The following NUBPL variants were observed in gnomAD, a reference collection of about 807,000 sequenced individuals.
NUBPL encodes iron-sulfur cluster transfer protein NUBPL.
In NUBPL, 31 loss-of-function variants were observed where a neutral mutation model predicts 45.7. That is an observed-to-expected ratio of 0.68 (90% CI 0.51 to 0.92). The LOEUF (loss-of-function observed/expected upper bound fraction) is 0.92, where lower values mean the gene tolerates loss of function less well. Among genes scored for constraint, NUBPL ranks in the 40% least tolerant of loss-of-function variants. NUBPL has a pLI of 0.00. For missense variants in NUBPL, 401 were observed against 398.7 expected (o/e 1.01, Z -0.05); for synonymous variants, 144 against 140.9 (o/e 1.02, Z -0.15).
chr14:31,798,305 T>TG (rs1340987261), intron 7 of NUBPL, among the ~76,000 whole-genome samples: 5 of 114,092 alleles, frequency 4.4e-5, no homozygotes, highest in Non-Finnish European at 7.7e-5. Flanking sequence ...TATTTATGGT[T>TG]TTTTTTTTTT....
intron 6 of NUBPL, among the ~76,000 whole-genome samples, chr14:31,695,765 C>G (rs190063051): frequency 2.0e-5 from 3 of 152,258 alleles, no homozygotes; most frequent in Admixed American, 2.0e-4. Flanking sequence ...GTAAATAAAA[C>G]TCTATTCTTT....
chr14:31,850,059 G>A, intron 9 of NUBPL, 60 bp from the exon 10 acceptor site: 2 of 1,219,296 alleles, frequency 1.6e-6, no homozygotes, highest in African/African-American at 1.5e-5. Context: ...CAAATAGTGA[G>A]ATTCAAAATG....
intron 4 of NUBPL, 96 bp from the exon 5 acceptor site, chr14:31,673,258 TA>T: frequency 2.9e-6 from 3 of 1,046,150 alleles, no homozygotes; most frequent in Non-Finnish European, 4.2e-6. Flanking sequence ...TTTTGTTAAT[TA>T]AAAAAATTTT....
At chr14:31,758,232 A>G (rs1027481442) in intron 6 of NUBPL, among the ~76,000 whole-genome samples, 9 of 152,332 alleles carry the variant, frequency 5.9e-5, no homozygotes, top group Middle Eastern at 3.4e-3. Context: ...CTTGGCAAAT[A>G]TGGTACTCAA....
chr14:31,642,798 T>C (rs2035742245), intron 4 of NUBPL, among the ~76,000 whole-genome samples: 1 of 152,162 alleles, frequency 6.6e-6, no homozygotes, highest in African/African-American at 2.4e-5. Flanking sequence ...ATGGAATATC[T>C]TCCCTTTGTA....
At chr14:31,689,111 T>C (rs1010839736) in intron 6 of NUBPL, among the ~76,000 whole-genome samples, 1 of 152,150 alleles carries the variant, frequency 6.6e-6, no homozygotes, top group African/African-American at 2.4e-5. Flanking sequence ...CTATTGTGAA[T>C]AGTGCTGCAG....
intron 6 of NUBPL, among the ~76,000 whole-genome samples, chr14:31,719,931 T>A (rs2037772568): frequency 6.6e-6 from 1 of 152,220 alleles, no homozygotes; most frequent in African/African-American, 2.4e-5. Context: ...TTAAAAATGA[T>A]TTAAATAATG....
chr14:31,682,175 A>G (rs1380365429), intron 6 of NUBPL, among the ~76,000 whole-genome samples: 1 of 151,900 alleles, frequency 6.6e-6, no homozygotes, highest in Non-Finnish European at 1.5e-5. Flanking sequence ...CTCTATTTCA[A>G]TTTTTACTTA....
chr14:31,748,433 T>TA (rs1342678904), intron 6 of NUBPL, among the ~76,000 whole-genome samples: 3 of 152,168 alleles, frequency 2.0e-5, no homozygotes, highest in Admixed American at 6.5e-5. Context: ...TTGGATTCAG[T>TA]CTCTTCCCTT....
At chr14:31,751,872 C>T (rs192790214) in intron 6 of NUBPL, among the ~76,000 whole-genome samples, 1 of 152,216 alleles carries the variant, frequency 6.6e-6, no homozygotes, top group Admixed American at 6.5e-5. Flanking sequence ...GGAGGAGGTT[C>T]CCAAAGCTCA....
At chr14:31,727,590 A>G (rs2037953574) in intron 6 of NUBPL, among the ~76,000 whole-genome samples, 1 of 152,242 alleles carries the variant, frequency 6.6e-6, no homozygotes, top group African/African-American at 2.4e-5. Flanking sequence ...GTCTTAGTGT[A>G]GAAGTATGAT....
At chr14:31,640,614 CA>C (rs59871107) in intron 4 of NUBPL, among the ~76,000 whole-genome samples, 51,197 of 97,000 alleles carry the variant, frequency 0.53, 10,570 homozygotes, top group African/African-American at 0.72. Flanking sequence ...GACTCTGTCT[CA>C]AAAAAAAAAA....
Position 31,642,728 on chromosome 14 carries a change from C to T in NUBPL, c.383-30627C>T, listed in dbSNP as rs191965600. ...TTATTGCTATTTTTATGAAGAATGTCATTGGTATTTGGTAGGGATTGCATT... is the reference window on the plus strand; with the variant it reads ...TTATTGCTATTTTTATGAAGAATGTTATTGGTATTTGGTAGGGATTGCATT... On this transcript the variant is annotated intron_variant, in intron 4 of 10. Coordinates refer to ENST00000281081, the MANE Select transcript of NUBPL (RefSeq NM_025152.3). Among the ~76,000 whole-genome samples the T allele has an allele frequency of 1.2e-4, 18 of 152,042 alleles. No homozygotes were observed. In the East Asian group the frequency reaches 2.1e-3, roughly 18 times the overall value.
At chr14:31,671,039 T>C (rs1034616182) in intron 4 of NUBPL, among the ~76,000 whole-genome samples, 1 of 152,214 alleles carries the variant, frequency 6.6e-6, no homozygotes, top group African/African-American at 2.4e-5. Flanking sequence ...AGGAATAGCA[T>C]TGAATCTGTA....
chr14:31,586,080 A>G (rs2033989146), intron 3 of NUBPL, among the ~76,000 whole-genome samples: 1 of 152,232 alleles, frequency 6.6e-6, no homozygotes. Flanking sequence ...CCCTTTAAAC[A>G]GCAATGGTCA....
intron 7 of NUBPL, among the ~76,000 whole-genome samples, chr14:31,823,302 A>G (rs2040047380): frequency 6.6e-6 from 1 of 152,094 alleles, no homozygotes; most frequent in African/African-American, 2.4e-5. Flanking sequence ...CTTTTGTTTG[A>G]TAAAAAGATG....
At chr14:31,710,363 C>T (rs1369851945) in intron 6 of NUBPL, among the ~76,000 whole-genome samples, 1 of 152,098 alleles carries the variant, frequency 6.6e-6, no homozygotes, top group Non-Finnish European at 1.5e-5. Context: ...ACAACCCCTG[C>T]CCAAGAACCC....
At chr14:31,824,367 G>A (rs2040064522) in intron 7 of NUBPL, among the ~76,000 whole-genome samples, 1 of 152,048 alleles carries the variant, frequency 6.6e-6, no homozygotes, top group Admixed American at 6.6e-5. Context: ...CTAAAGGAAA[G>A]ATAATCTTCC....
chr14:31,639,379 G>A lies in NUBPL; in HGVS notation c.383-33976G>A, dbSNP rs536182566. On this transcript the variant is annotated intron_variant, in intron 4 of 10. Coordinates refer to ENST00000281081, the MANE Select transcript of NUBPL (RefSeq NM_025152.3). ...CTCTGTTTGCCTGGATATCAGCAGC[G>A]GTGGCTGCAGAACAGCGGATTTCGT... Among the ~76,000 whole-genome samples, 9 of 152,270 alleles carry A rather than the reference G, an allele frequency of 5.9e-5. No homozygotes were observed. The South Asian group carries it at 1.7e-3, about 28-fold the overall frequency.
Sources: gnomAD v4.1 joint callset for allele counts (sites outside exome capture counted in the v4.1 genomes callset) on GRCh38, gnomAD v4.1.1 for gene constraint, MANE v1.5 for transcripts, NCBI Gene and HGNC (gene_info 2026-07-23, HGNC 2026-07-21) for gene names.